Variants in HECA observed in about 807,000 individuals in gnomAD.
HECA encodes the protein HECA ribonucleoprotein granule regulator.
A neutral mutation model predicts 37.6 loss-of-function variants in HECA; 13 were observed. The observed-to-expected ratio is 0.35, with a 90% CI of 0.23 to 0.55. The LOEUF (loss-of-function observed/expected upper bound fraction) is 0.55, where lower values mean the gene tolerates loss of function less well. HECA is among the 20% of genes least tolerant of loss of function. The pLI, the probability that HECA is intolerant of heterozygous loss-of-function variation, is 0.90. For missense variants in HECA, 527 were observed against 701.9 expected, an observed-to-expected ratio of 0.75 and a Z score of 2.82; for synonymous variants, 307 against 291.5, an observed-to-expected ratio of 1.05 and a Z score of -0.54.
chr6:139,165,111 A>G (rs147201744), intron 1 of HECA, among the ~76,000 whole-genome samples: 64 of 152,318 alleles, frequency 4.2e-4, no homozygotes, highest in African/African-American at 1.4e-3. Context: ...AAAAATCTCT[A>G]TAAGGTAGCT....
chr6:139,174,189 C>T (rs6570313), intron 2 of HECA, among the ~76,000 whole-genome samples, 196 bp from the exon 3 acceptor site: 108,096 of 152,154 alleles, frequency 0.71, 39,662 homozygotes, highest in African/African-American at 0.86. Context: ...AAAATACATG[C>T]TTTATTGACA....
rs550610987 is a variant in HECA, at chr6:139,155,205, A to G, written c.272-11079A>G. ...TGAATACTGTAGGCAATTGGAACACAATGGCATTTATGCATCTAAACATAC... is the reference window on the plus strand; with the variant it reads ...TGAATACTGTAGGCAATTGGAACACGATGGCATTTATGCATCTAAACATAC... On this transcript the variant is annotated intron_variant, in intron 1 of 3. Coordinates refer to ENST00000367658, the MANE Select transcript of HECA (RefSeq NM_016217.3). Among the ~76,000 whole-genome samples the G allele has an allele frequency of 2.0e-5, 3 of 152,360 alleles. No individual in the cohort carries two copies. In the South Asian group the frequency reaches 6.2e-4, roughly 32 times the overall value.
Position 139,146,303 on chromosome 6 carries a change from G to GTAA in HECA, c.271+10637_271+10639dup, listed in dbSNP as rs531923501. ...TGAAAATGTATATTTTTCTCTAGGG[G>GTAA]TAAGCATAGGTTTGATTATACTTTA... On this transcript the variant is annotated intron_variant, in intron 1 of 3. Transcript: ENST00000367658. Among the ~76,000 whole-genome samples, 14 of 152,286 alleles carry GTAA rather than the reference G, an allele frequency of 9.2e-5. No individual in the cohort carries two copies. The South Asian group carries it at 2.9e-3, about 32-fold the overall frequency.
intron 2 of HECA, 35 bp from the exon 3 acceptor site, chr6:139,174,350 A>T (rs760227951): frequency 1.9e-6 from 3 of 1,571,456 alleles, no homozygotes; most frequent in African/African-American, 1.4e-5. Flanking sequence ...GATTTCCATG[A>T]TGGCCACTCA....
intron 1 of HECA, among the ~76,000 whole-genome samples, chr6:139,164,362 T>C (rs1774852039): frequency 6.6e-6 from 1 of 151,506 alleles, no homozygotes. Flanking sequence ...GAAAGTGTTA[T>C]GAACATTGGG....
chr6:139,168,339 T>C (rs1234673513), intron 2 of HECA, among the ~76,000 whole-genome samples: 1 of 152,098 alleles, frequency 6.6e-6, no homozygotes, highest in Non-Finnish European at 1.5e-5. Context: ...CCAAGAAGTA[T>C]AGGGTTTTAT....
chr6:139,142,796 A>C (rs536621258), intron 1 of HECA, among the ~76,000 whole-genome samples: 1 of 152,240 alleles, frequency 6.6e-6, no homozygotes, highest in African/African-American at 2.4e-5. Flanking sequence ...AAAAATACAA[A>C]AATTAGCTGG....
chr6:139,177,012 A>G lies in HECA; in HGVS notation c.1539A>G (p.Glu513=). Residue 513 remains glutamate (E), a synonymous_variant, in exon 4 of 4, where the codon GAA becomes GAG. Coordinates refer to ENST00000367658, the MANE Select transcript of HECA (RefSeq NM_016217.3). This position sits in a 1 kb window ranked among gnomAD's most constrained non-coding sequence, Gnocchi z 4.9. The part of the protein sequence containing the change: ...DVRIGMQYFS[E]YSNVQQCPHC... ...GGATCGGGATGCAGTACTTCTCCGA[A>G]TATAGCAACGTCCAGCAGTGTCCAC... The G allele has an allele frequency of 2.3e-6, 2 of 872,920 alleles. No homozygotes were observed. The highest frequency in any genetic ancestry group is 4.0e-6 in the Non-Finnish European group (2 of 501,622). The allele number at this position is 872,920 out of a possible 1,614,324, so 54.1% of individuals were successfully genotyped here.
At chr6:139,159,427 C>T (rs1405953558) in intron 1 of HECA, among the ~76,000 whole-genome samples, 2 of 152,098 alleles carry the variant, frequency 1.3e-5, no homozygotes, top group African/African-American at 4.8e-5. Context: ...CCCATGGAAC[C>T]GGGACTTACA....
At chr6:139,172,719 C>G (rs553031346) in intron 2 of HECA, among the ~76,000 whole-genome samples, 1 of 152,082 alleles carries the variant, frequency 6.6e-6, no homozygotes, top group Non-Finnish European at 1.5e-5. Context: ...GTTACGGATC[C>G]GAGAGACATG....
chr6:139,149,260 CAG>C (rs1476629378), intron 1 of HECA, among the ~76,000 whole-genome samples: 16 of 152,174 alleles, frequency 1.1e-4, no homozygotes, highest in Non-Finnish European at 1.8e-4. Context: ...CTGTTCTAAA[CAG>C]TGTGAGATTT....
chr6:139,160,249 CT>C (rs1774778784), intron 1 of HECA, among the ~76,000 whole-genome samples: 2 of 152,116 alleles, frequency 1.3e-5, no homozygotes, highest in African/African-American at 2.4e-5. Context: ...GGTTTATATA[CT>C]TTTTTAAACA....
intron 1 of HECA, among the ~76,000 whole-genome samples, chr6:139,155,033 A>T (rs539840639): frequency 1.3e-5 from 2 of 152,224 alleles, no homozygotes; most frequent in Non-Finnish European, 2.9e-5. Flanking sequence ...AATGACAGGG[A>T]TACATTCTAA....
rs1775051221 is a variant in HECA at position 139,176,280 on chromosome 6, A to G, written c.1468-661A>G. On this transcript the variant is annotated intron_variant, in intron 3 of 3. Transcript: ENST00000367658. The surrounding 1 kb of genome is among the most constrained non-coding windows in gnomAD (Gnocchi z 4.5). ...ATCTAAAAGTCAGCTAATACTACCT[A>G]CCTCCCAGGAGTATTTTGAGAACAA... Among the ~76,000 whole-genome samples the G allele has an allele frequency of 6.6e-6, 1 of 152,082 alleles. No homozygotes were observed. Among genetic ancestry groups the G allele is most frequent in the Non-Finnish European group, 1.5e-5 (1 of 68,004 alleles).
chr6:139,138,897 A>G (rs550703934), intron 1 of HECA, among the ~76,000 whole-genome samples: 1 of 152,278 alleles, frequency 6.6e-6, no homozygotes, highest in South Asian at 2.1e-4. Flanking sequence ...TTGCATTTTC[A>G]TTGCAGGTAT....
chr6:139,143,645 A>C (rs1011640170), intron 1 of HECA, among the ~76,000 whole-genome samples: 1 of 151,920 alleles, frequency 6.6e-6, no homozygotes, highest in Non-Finnish European at 1.5e-5. Flanking sequence ...GGCAGATCAC[A>C]AGGTCAGGAG....
chr6:139,156,146 C>T (rs538218976), intron 1 of HECA, among the ~76,000 whole-genome samples: 7 of 90,798 alleles, frequency 7.7e-5, no homozygotes, highest in Non-Finnish European at 8.8e-5. Flanking sequence ...ATTTTGGTGA[C>T]GTTTGTATTA....
intron 1 of HECA, among the ~76,000 whole-genome samples, chr6:139,137,332 T>G (rs926410304): frequency 1.3e-5 from 2 of 152,160 alleles, no homozygotes; most frequent in Admixed American, 1.3e-4. Flanking sequence ...AAAATTACCC[T>G]GGCTCCCTCC....
Position 139,135,359 on chromosome 6 carries a change from G to T in HECA, c.-38G>T. 7.7e-7 allele frequency: 1 copy of T among 1,299,914 alleles called. No individual in the cohort carries two copies. Among genetic ancestry groups the T allele is most frequent in the South Asian group, 1.5e-5 (1 of 68,354 alleles). 80.5% of individuals were successfully genotyped at this position (1,299,914 alleles called of 1,614,324 possible). ...GGCCGTGCCTCTGGGATCCGCCTTCGCTGACGCCGGGCACCTACCTGGACG... is the reference window on the plus strand; with the variant it reads ...GGCCGTGCCTCTGGGATCCGCCTTCTCTGACGCCGGGCACCTACCTGGACG... On this transcript the variant is annotated 5_prime_UTR_variant, in exon 1 of 4. Coordinates refer to ENST00000367658, the MANE Select transcript of HECA (RefSeq NM_016217.3).
Sources: allele counts gnomAD v4.1 joint callset (sites outside exome capture counted in the v4.1 genomes callset), GRCh38; gene constraint gnomAD v4.1.1; non-coding constraint Gnocchi (gnomAD v3.1); transcripts MANE v1.5; gene names NCBI Gene and HGNC (gene_info 2026-07-23, HGNC 2026-07-21).